Variants in WDR17 observed in about 807,000 individuals in gnomAD.
WDR17 encodes WD repeat-containing protein 17.
In WDR17, 143 loss-of-function variants were observed where a neutral mutation model predicts 161.7. That is an observed-to-expected ratio of 0.88 (90% confidence interval 0.77 to 1.02). WDR17 has a LOEUF of 1.02. Among genes scored for constraint, WDR17 ranks in the 50% least tolerant of loss-of-function variants. The pLI is 0.00. For synonymous variants in WDR17, 517 were observed against 515.6 expected, an observed-to-expected ratio of 1.00 and a Z score of -0.04; for missense variants, 1,469 against 1,520.9, an observed-to-expected ratio of 0.97 and a Z score of 0.57.
intron 1 of WDR17, among the ~76,000 whole-genome samples, chr4:176,100,998 A>G (rs572087238): frequency 6.6e-6 from 1 of 152,202 alleles, no homozygotes; most frequent in Admixed American, 6.6e-5. Flanking sequence ...GTCTTGTAAT[A>G]TAATTTGAAG....
chr4:176,138,730 A>T (rs1744796916), intron 9 of WDR17, among the ~76,000 whole-genome samples: 1 of 151,856 alleles, frequency 6.6e-6, no homozygotes, highest in East Asian at 1.9e-4. Flanking sequence ...AATCTCACAT[A>T]TCTGCCCACT....
rs537340687 is a variant in WDR17, at chr4:176,073,331, A to G, written c.-7+7252A>G. Among the ~76,000 whole-genome samples the G allele has an allele frequency of 2.0e-5, 3 of 151,804 alleles. No homozygotes were observed. In the South Asian group the frequency reaches 6.3e-4, roughly 32 times the overall value. ...CATGTGTTCTCATTGTTCAATTCCC[A>G]CCTATGAGTGAGAACATGCGGTGTT... On this transcript the variant is annotated intron_variant, in intron 1 of 28. Transcript: ENST00000508596.
intron 18 of WDR17, among the ~76,000 whole-genome samples, chr4:176,157,144 C>T (rs1748275007): frequency 6.6e-6 from 1 of 152,130 alleles, no homozygotes; most frequent in African/African-American, 2.4e-5. Context: ...ATTCTCTGTT[C>T]TATTTTATTC....
At chr4:176,150,911 T>C (rs1056720560) in intron 16 of WDR17, among the ~76,000 whole-genome samples, 6 of 152,182 alleles carry the variant, frequency 3.9e-5, no homozygotes, top group African/African-American at 1.4e-4. Flanking sequence ...TCAGAGGGCC[T>C]AATAGGCTGT....
chr4:176,159,241 C>T lies in WDR17; in HGVS notation c.2526-753C>T, dbSNP rs543141552. On this transcript the variant is annotated intron_variant, in intron 18 of 28. Transcript: ENST00000508596. ...TAGGGGGTTAGTCATTGAGAAAATA[C>T]CTGAGACGTAGATGGGAAGATACAC... Among the ~76,000 whole-genome samples the T allele has an allele frequency of 1.6e-4, 24 of 150,456 alleles. 1 individual carries two copies. The South Asian group carries it at 4.0e-3, about 25-fold the overall frequency.
intron 17 of WDR17, among the ~76,000 whole-genome samples, chr4:176,152,706 G>C (rs942302166): frequency 6.6e-6 from 1 of 151,686 alleles, no homozygotes; most frequent in Non-Finnish European, 1.5e-5. Context: ...AGGCCAAGGC[G>C]GAAGGATCAC....
intron 1 of WDR17, among the ~76,000 whole-genome samples, chr4:176,107,229 G>A (rs904957665): frequency 6.6e-6 from 1 of 151,426 alleles, no homozygotes; most frequent in African/African-American, 2.4e-5. Flanking sequence ...CAAATCAAAA[G>A]AACAATAAGA....
chr4:176,096,559 G>A (rs1244343376), intron 1 of WDR17: 4 of 1,601,724 alleles, frequency 2.5e-6, no homozygotes, highest in Non-Finnish European at 3.4e-6. Context: ...GTTTGAGCAA[G>A]ATGATTGGTA....
chr4:176,089,420 A>G (rs752327889), intron 1 of WDR17, among the ~76,000 whole-genome samples: 2 of 152,166 alleles, frequency 1.3e-5, no homozygotes, highest in Non-Finnish European at 2.9e-5. Flanking sequence ...ATGTAGTATT[A>G]TACTACAATT....
chr4:176,113,105 C>T (rs760222727), intron 2 of WDR17, among the ~76,000 whole-genome samples: 2 of 151,954 alleles, frequency 1.3e-5, no homozygotes, highest in Non-Finnish European at 2.9e-5. Context: ...CCCCTTCATA[C>T]ACAACACAGC....
At chr4:176,095,570 A>C (rs947168029) in intron 1 of WDR17, among the ~76,000 whole-genome samples, 5 of 151,988 alleles carry the variant, frequency 3.3e-5, no homozygotes, top group Admixed American at 6.6e-5. Flanking sequence ...AGAATGAAAC[A>C]CTCAAATTAC....
chr4:176,095,164 C>T (rs754827809), intron 1 of WDR17, among the ~76,000 whole-genome samples: 5 of 151,966 alleles, frequency 3.3e-5, no homozygotes, highest in Admixed American at 2.0e-4. Flanking sequence ...ACTCAAAATA[C>T]GATAAGCCAG....
chr4:176,090,455 T>C (rs1388972803), intron 1 of WDR17, among the ~76,000 whole-genome samples: 1 of 152,120 alleles, frequency 6.6e-6, no homozygotes, highest in African/African-American at 2.4e-5. Context: ...ACCTCTTTTC[T>C]TTATAAATTA....
At chr4:176,174,568 C>A in intron 25 of WDR17, 49 bp from the exon 26 acceptor site, 1 of 1,360,616 alleles carries the variant, frequency 7.3e-7, no homozygotes, top group Non-Finnish European at 1.0e-6. Flanking sequence ...GAGTAATGTT[C>A]TATGCCTCAA....
At position 176,151,855 on chromosome 4, in the gene WDR17, G is replaced by T. The variant is rs917556547; in HGVS notation, c.2348G>T (p.Gly783Val). 1.2e-6 allele frequency: 2 copies of T among 1,608,564 alleles called. No individual in the cohort carries two copies. The highest frequency in any genetic ancestry group is 1.3e-5 in the African/African-American group (1 of 74,590). The change falls in exon 17 of 29, where the codon GGT becomes GTT. Residue 783 changes from glycine to valine, a missense_variant. Gly to Val is a moderately radical substitution (Grantham distance 109, BLOSUM62 -3). Coordinates refer to ENST00000508596, the MANE Select transcript of WDR17 (RefSeq NM_181265.4). ...ELTTVKMSKF[G>V]GGIGVPAKEE... ...ACAACAGTCAAGATGTCTAAATTTG[G>T]TGGTGGTATTGGTGTACCTGCTAAA... is the stretch of plus-strand genomic sequence containing the variant.
intron 17 of WDR17, among the ~76,000 whole-genome samples, chr4:176,155,096 T>A (rs10012282): frequency 6.6e-6 from 1 of 152,088 alleles, no homozygotes; most frequent in Non-Finnish European, 1.5e-5. Flanking sequence ...TAAGTAGCAG[T>A]GAAATAAAAA....
At chr4:176,151,778 A>G in intron 16 of WDR17, 34 bp from the exon 17 acceptor site, 4 of 1,533,618 alleles carry the variant, frequency 2.6e-6, no homozygotes, top group Non-Finnish European at 3.5e-6. Context: ...AATATGTCAA[A>G]TTTTTTTAAA....
At chr4:176,141,303 C>A (rs1448621125) in intron 10 of WDR17, among the ~76,000 whole-genome samples, 2 of 152,118 alleles carry the variant, frequency 1.3e-5, no homozygotes, top group African/African-American at 4.8e-5. Flanking sequence ...AAACCAACTT[C>A]ATAAATAGTT....
intron 4 of WDR17, among the ~76,000 whole-genome samples, chr4:176,121,433 T>TA (rs144108082): frequency 0.06 from 9,089 of 152,242 alleles, 564 homozygotes; most frequent in African/African-American, 0.16. Flanking sequence ...TTCCTCCTCT[T>TA]ACCTCTCTGC....
Sources: allele counts gnomAD v4.1 joint callset (sites outside exome capture counted in the v4.1 genomes callset), GRCh38; gene constraint gnomAD v4.1.1; transcripts MANE v1.5; gene names NCBI Gene and HGNC (gene_info 2026-07-23, HGNC 2026-07-21).